Variants in BRD9 observed in about 807,000 individuals in gnomAD.
BRD9 encodes bromodomain containing 9.
In BRD9, 47 loss-of-function variants were observed where a neutral mutation model predicts 68.7. The ratio of observed to expected loss-of-function variants is 0.68; its 90% CI spans 0.54 to 0.87. The LOEUF is 0.87. BRD9 is among the 40% of genes least tolerant of loss of function. BRD9 has a pLI of 0.00. For missense variants in BRD9, 670 were observed against 748.4 expected, an observed-to-expected ratio of 0.90 and a Z score of 1.22; for synonymous variants, 313 against 293.9, an observed-to-expected ratio of 1.06 and a Z score of -0.67.
At chr5:865,710 G>C (rs2150546325) in intron 14 of BRD9, 129 bp from the exon 15 acceptor site, 1 of 1,064,674 alleles carries the variant, frequency 9.4e-7, no homozygotes, top group Non-Finnish European at 1.3e-6. Flanking sequence ...AAACTGAGTG[G>C]ACGAGCTCAC....
chr5:888,955 A>C lies in BRD9; in HGVS notation c.606+66T>G, dbSNP rs888732099. On this transcript the variant is annotated intron_variant, in intron 5 of 15. Transcript: ENST00000467963. ...ACTAGAAATGATCTAAGGTGAATGAAGTCTTCACAAGACATGAATACACAG... is the reference window on the plus strand; with the variant it reads ...ACTAGAAATGATCTAAGGTGAATGACGTCTTCACAAGACATGAATACACAG... The C allele has an allele frequency of 6.7e-6, 10 of 1,492,778 alleles. No individual in the cohort carries two copies. In the East Asian group the frequency reaches 9.3e-5, roughly 14 times the overall value. 92.5% of individuals were successfully genotyped at this position (1,492,778 alleles called of 1,614,324 possible). A position where few individuals can be genotyped will look rare whatever the true frequency, so the allele number is the denominator to read the frequency against.
intron 7 of BRD9, 88 bp from the exon 8 acceptor site, chr5:884,158 A>C: frequency 6.5e-7 from 1 of 1,531,584 alleles, no homozygotes; most frequent in Non-Finnish European, 8.8e-7. Context: ...CCCAGCTTCT[A>C]CCGACCCTGC....
At position 864,552 on chromosome 5, in the gene BRD9, C is replaced by T. The variant is rs750871144; in HGVS notation, c.1710G>A (p.Leu570=). The T allele has an allele frequency of 7.7e-5, 124 of 1,613,850 alleles. 1 individual carries two copies. The South Asian group carries it at 1.3e-3, about 17-fold the overall frequency. Residue 570 remains leucine, a synonymous_variant, in exon 16 of 16, where the codon CTG becomes CTA. Transcript: ENST00000467963. Reference sequence around the variant, plus strand: ...TGACGTCTGGCTGCTCCCCGACACTCAGGCGAGAAGGGCTTCCTGCAATTT... The same window carrying T: ...TGACGTCTGGCTGCTCCCCGACACTTAGGCGAGAAGGGCTTCCTGCAATTT... ...DQHHLGSPSR[L]SVGEQPDVTH... is the part of the protein sequence containing the mutation.
At chr5:873,587 C>T (rs1158903194) in intron 12 of BRD9, among the ~76,000 whole-genome samples, 1 of 152,208 alleles carries the variant, frequency 6.6e-6, no homozygotes, top group East Asian at 1.9e-4. Flanking sequence ...CTGAGATCTA[C>T]CCCCGCTTTA....
intron 11 of BRD9, among the ~76,000 whole-genome samples, chr5:876,457 G>A (rs914122473): frequency 6.6e-6 from 1 of 152,160 alleles, no homozygotes; most frequent in African/African-American, 2.4e-5. Flanking sequence ...CATGCACACA[G>A]CCTAGAAACA....
In BRD9 at chr5:883,942, C is replaced by A. The variant is rs780210150; in HGVS notation, c.962G>T (p.Gly321Val). 6.2e-7 allele frequency: 1 copy of A among 1,611,334 alleles called. No individual in the cohort carries two copies. Among genetic ancestry groups the A allele is most frequent in the African/African-American group, 1.3e-5 (1 of 74,876 alleles). ...RDRINRFLPG[G>V]KMGYLKRNGD... ...TCGGTGGCCACAGAGCACTACCTTGCCGCCTGGGAGGAACCGGTTGATCCT... is the reference window on the plus strand; with the variant it reads ...TCGGTGGCCACAGAGCACTACCTTGACGCCTGGGAGGAACCGGTTGATCCT... Residue 321 changes from glycine (G) to valine (V), a missense_variant, in exon 8 of 16, where the codon GGC becomes GTC. This residue lies in a region of BRD9 where 135 missense variants were observed against 141.2 expected (regional missense o/e 0.96). Transcript: ENST00000467963.
chr5:886,517 C>A, intron 7 of BRD9, 75 bp downstream of exon 7: 1 of 1,364,320 alleles, frequency 7.3e-7, no homozygotes, highest in Middle Eastern at 1.9e-4. Context: ...CACTCACTCT[C>A]CCCTACAAGG....
chr5:870,578 G>A lies in BRD9; in HGVS notation c.1423-3C>T. 1 of 1,604,216 alleles carries A rather than the reference G, an allele frequency of 6.2e-7. No individual in the cohort carries two copies. Among genetic ancestry groups the A allele is most frequent in the Non-Finnish European group, 8.5e-7 (1 of 1,171,836 alleles). On this transcript the variant is annotated splice_region_variant and splice_polypyrimidine_tract_variant and intron_variant, in intron 13 of 15. Coordinates refer to ENST00000467963, the MANE Select transcript of BRD9 (RefSeq NM_023924.5). ...CTGTCTCCTAGGGTGTCCCCAACCT[G>A]TGGAGACAGACACACATCAAGAGCA... is the stretch of plus-strand genomic sequence containing the variant.
chr5:875,151 CG>C (rs1750717157), intron 12 of BRD9, among the ~76,000 whole-genome samples: 1 of 152,194 alleles, frequency 6.6e-6, no homozygotes, highest in African/African-American at 2.4e-5. Context: ...GCCGAGGGCC[CG>C]GGAGTGAGCA....
intron 8 of BRD9, chr5:882,596 C>T (rs1241931577): frequency 1.2e-5 from 2 of 164,706 alleles, no homozygotes; most frequent in Admixed American, 1.3e-4. Flanking sequence ...ACACACAAGC[C>T]ATGCAAACCA....
intron 5 of BRD9, 26 bp from the exon 6 acceptor site, chr5:887,497 T>A: frequency 6.3e-7 from 1 of 1,577,912 alleles, no homozygotes; most frequent in Non-Finnish European, 8.7e-7. Flanking sequence ...GAAAGACTTA[T>A]CAGGTTTGAA....
chr5:873,527 A>G (rs1245488166), intron 12 of BRD9, among the ~76,000 whole-genome samples: 1 of 152,214 alleles, frequency 6.6e-6, no homozygotes, highest in Non-Finnish European at 1.5e-5. Context: ...CCAAGCCGAC[A>G]TGTAACCTCT....
intron 5 of BRD9, among the ~76,000 whole-genome samples, chr5:888,616 CAG>C (rs1752908824): frequency 6.6e-6 from 1 of 152,194 alleles, no homozygotes; most frequent in South Asian, 2.1e-4. Context: ...ACTCAGGAGA[CAG>C]AAAAACTTAC....
intron 14 of BRD9, among the ~76,000 whole-genome samples, chr5:868,441 C>T (rs919064740): frequency 4.5e-4 from 69 of 152,270 alleles, no homozygotes; most frequent in Non-Finnish European, 7.8e-4. Flanking sequence ...CAGAAAAGTG[C>T]TGTCACAGCG....
At chr5:881,970 A>G (rs1233292248) in intron 8 of BRD9, 2 of 152,596 alleles carry the variant, frequency 1.3e-5, no homozygotes, top group Non-Finnish European at 2.9e-5. Context: ...AGGGAACTGG[A>G]AGTTTCCGTG....
At chr5:889,787 C>T (rs1456338420) in intron 3 of BRD9, 140 bp from the exon 4 acceptor site, 4 of 1,483,720 alleles carry the variant, frequency 2.7e-6, no homozygotes, top group Non-Finnish European at 3.6e-6. Context: ...AAAGATACAT[C>T]CGACTCAGCC....
intron 12 of BRD9, 38 bp from the exon 13 acceptor site, chr5:871,602 A>C: frequency 6.3e-7 from 1 of 1,594,112 alleles, no homozygotes; most frequent in Non-Finnish European, 8.6e-7. Context: ...GTTTTTCCAG[A>C]GTGATTTCAT....
chr5:881,384 T>G (rs1579969862), intron 8 of BRD9: 1 of 604,498 alleles, frequency 1.7e-6, no homozygotes, highest in East Asian at 2.8e-5. Context: ...GGAGAACCTC[T>G]TAGGCTCCCC....
intron 2 of BRD9, 93 bp from the exon 3 acceptor site, chr5:891,380 A>G (rs1753368879): frequency 6.8e-7 from 1 of 1,477,972 alleles, no homozygotes; most frequent in Non-Finnish European, 9.0e-7. Context: ...GGGGAGGGAC[A>G]GAACTAAGGG....
Sources: allele counts gnomAD v4.1 joint callset (sites outside exome capture counted in the v4.1 genomes callset), GRCh38; gene constraint gnomAD v4.1.1; regional missense constraint gnomAD v4.1.1; transcripts MANE v1.5; gene names NCBI Gene and HGNC (gene_info 2026-07-23, HGNC 2026-07-21).